HPGD: variants seen among roughly 807,000 people sequenced by gnomAD.
The protein encoded by HPGD is 15-hydroxyprostaglandin dehydrogenase [NAD(+)].
Under a neutral mutation model 30.0 loss-of-function variants are expected in HPGD, and 29 were observed. The observed-to-expected ratio is 0.97, with a 90% CI of 0.72 to 1.32. The LOEUF is 1.32. Among genes scored for constraint, HPGD ranks in the 40% most tolerant of loss-of-function variants. The pLI is 0.00. For synonymous variants in HPGD, 99 were observed against 112.4 expected, an observed-to-expected ratio of 0.88 and a Z score of 0.75; for missense variants, 340 against 322.1, an observed-to-expected ratio of 1.06 and a Z score of -0.43.
intron 4 of HPGD, among the ~76,000 whole-genome samples, chr4:174,506,171 A>G (rs1425878553): frequency 6.6e-6 from 1 of 152,198 alleles, no homozygotes; most frequent in Non-Finnish European, 1.5e-5. Context: ...TCAAATTGCA[A>G]GCCTTAAACT....
intron 2 of HPGD, among the ~76,000 whole-genome samples, chr4:174,520,503 C>T (rs142569197): frequency 2.6e-5 from 4 of 152,308 alleles, no homozygotes; most frequent in East Asian, 3.9e-4. Context: ...AGCAAATGCT[C>T]ATGTCCAGAC....
Position 174,493,428 on chromosome 4 carries a change from C to T in HPGD, c.499-114G>A, listed in dbSNP as rs1734440089. The T allele has an allele frequency of 3.2e-6, 3 of 932,240 alleles. No homozygotes were observed. The South Asian group carries it at 4.1e-5, about 13-fold the overall frequency. 57.7% of individuals were successfully genotyped at this position (932,240 alleles called of 1,614,324 possible). ...ATGTAAAAAATACTAATTAGATATC[C>T]TCCCAGCTATGTAACAATGACTGGT... On this transcript the variant is annotated intron_variant, in intron 5 of 6. Coordinates refer to ENST00000296522, the MANE Select transcript of HPGD (RefSeq NM_000860.6).
intron 2 of HPGD, among the ~76,000 whole-genome samples, chr4:174,520,037 T>C (rs978277777): frequency 2.6e-5 from 4 of 152,164 alleles, no homozygotes; most frequent in African/African-American, 9.7e-5. Flanking sequence ...CCCCAGTATT[T>C]TTTTTTTCTC....
intron 4 of HPGD, chr4:174,508,253 G>C: frequency 3.1e-6 from 2 of 636,232 alleles, no homozygotes; most frequent in Non-Finnish European, 5.7e-6. Context: ...TGTAAGTTTG[G>C]CTTTATTTAT....
intron 4 of HPGD, among the ~76,000 whole-genome samples, chr4:174,501,496 C>T (rs1324169152): frequency 6.6e-6 from 1 of 151,954 alleles, no homozygotes; most frequent in Admixed American, 6.6e-5. Flanking sequence ...CTGATAGGCC[C>T]ACCATTGTGC....
rs1349466788 is a variant in HPGD, at chr4:174,492,944, T to C, written c.662+207A>G. On this transcript the variant is annotated intron_variant, in intron 6 of 6. Coordinates refer to ENST00000296522, the MANE Select transcript of HPGD (RefSeq NM_000860.6). The surrounding 1 kb of genome is among the most constrained non-coding windows in gnomAD (Gnocchi z 4.9). Reference sequence around the variant, plus strand: ...TGGTAGTAATGAAGCATTTTACATATTTCAAAGTAACATTCATAATGTATA... The same window carrying C: ...TGGTAGTAATGAAGCATTTTACATACTTCAAAGTAACATTCATAATGTATA... Among the ~76,000 whole-genome samples, 1 of 152,130 alleles carries C rather than the reference T, an allele frequency of 6.6e-6. No individual in the cohort carries two copies. The highest frequency in any genetic ancestry group is 1.5e-5 in the Non-Finnish European group (1 of 67,972).
intron 5 of HPGD, among the ~76,000 whole-genome samples, chr4:174,493,742 T>C (rs576413245): frequency 6.6e-6 from 1 of 152,350 alleles, no homozygotes; most frequent in South Asian, 2.1e-4. Flanking sequence ...CTCTTAATAA[T>C]CTGTCCTATC....
chr4:174,511,076 C>G (rs1456101477), intron 3 of HPGD, among the ~76,000 whole-genome samples: 1 of 152,040 alleles, frequency 6.6e-6, no homozygotes, highest in Non-Finnish European at 1.5e-5. Flanking sequence ...GGGAGTTTAC[C>G]TTCCTCCCTG....
intron 4 of HPGD, among the ~76,000 whole-genome samples, chr4:174,505,175 C>T (rs1158342375): frequency 2.6e-5 from 4 of 152,160 alleles, no homozygotes; most frequent in African/African-American, 4.8e-5. Flanking sequence ...ACTCTGTCTG[C>T]GTCAGTGGTC....
chr4:174,514,472 T>C (rs1359292580), intron 3 of HPGD, among the ~76,000 whole-genome samples: 1 of 152,136 alleles, frequency 6.6e-6, no homozygotes, highest in Non-Finnish European at 1.5e-5. Flanking sequence ...TCCTTCTTAA[T>C]TAAAAGATTT....
At position 174,496,293 on chromosome 4, in the gene HPGD, A is replaced by G. The variant is rs960892108; in HGVS notation, c.422-669T>C. On this transcript the variant is annotated intron_variant, in intron 4 of 6. Coordinates refer to ENST00000296522, the MANE Select transcript of HPGD (RefSeq NM_000860.6). The surrounding 1 kb of genome is among the most constrained non-coding windows in gnomAD (Gnocchi z 4.6). ...ATTATGTAGTCAACTATGAAATTCA[A>G]TCAATTACAGAATGTTTTATTTTGT... Among the ~76,000 whole-genome samples, 6 of 152,200 alleles carry G rather than the reference A, an allele frequency of 3.9e-5. No homozygotes were observed. The highest frequency in any genetic ancestry group is 8.8e-5 in the Non-Finnish European group (6 of 68,024).
intron 4 of HPGD, among the ~76,000 whole-genome samples, chr4:174,503,354 T>C (rs1423417206): frequency 6.6e-6 from 1 of 152,244 alleles, no homozygotes; most frequent in Non-Finnish European, 1.5e-5. Flanking sequence ...TTGCTTTTAT[T>C]ACCACTGCTA....
chr4:174,497,568 C>CTTTTCTTTTTTTTTTTTTTTTTTTTT (rs1553998366), intron 4 of HPGD, among the ~76,000 whole-genome samples: 2 of 51,114 alleles, frequency 3.9e-5, no homozygotes, highest in African/African-American at 1.3e-4. Context: ...CTTTTTCTTT[C>CTTTTCTTTTTTTTTTTTTTTTTTTTT]TTTTTTTTTT....
In HPGD at chr4:174,490,825, G is replaced by A. The variant is rs886059246; in HGVS notation, c.*1131C>T. ...TTATACGATATTTTTTTGAGAAAAC[G>A]ACTGATTTGGAAATCTTGTGCTTTC... On this transcript the variant is annotated 3_prime_UTR_variant, in exon 7 of 7. Transcript: ENST00000296522. This position sits in a 1 kb window ranked among gnomAD's most constrained non-coding sequence, Gnocchi z 4.4. The A allele has an allele frequency of 6.6e-6, 1 of 152,230 alleles. No individual in the cohort carries two copies. The highest frequency in any genetic ancestry group is 1.5e-5 in the Non-Finnish European group (1 of 67,986). The allele number at this position is 152,230 out of a possible 1,614,324, so 9.4% of individuals were successfully genotyped here.
intron 4 of HPGD, among the ~76,000 whole-genome samples, chr4:174,503,115 A>T (rs1431677183): frequency 6.6e-6 from 1 of 152,190 alleles, no homozygotes; most frequent in Non-Finnish European, 1.5e-5. Flanking sequence ...CTCATTTACA[A>T]ATATTTAATC....
chr4:174,522,439 C>T lies in HPGD; in HGVS notation c.13G>A (p.Gly5Ser), dbSNP rs1238460047. 2.5e-6 allele frequency: 4 copies of T among 1,580,418 alleles called. No homozygotes were observed. The highest frequency in any genetic ancestry group is 2.3e-5 in the South Asian group (2 of 87,058). Residue 5 changes from glycine to serine, a missense_variant, in exon 1 of 7, where the codon GGC becomes AGC. Gly to Ser is a moderately conservative substitution (Grantham distance 56, BLOSUM62 0). Coordinates refer to ENST00000296522, the MANE Select transcript of HPGD (RefSeq NM_000860.6). ...GCGCCGGTCACCAGCGCCACTTTGC[C>T]GTTCACGTGCATGGTGCAGCCACTG... is the stretch of plus-strand genomic sequence containing the variant. MHVN[G>S]KVALVTGAAQ...
intron 3 of HPGD, among the ~76,000 whole-genome samples, chr4:174,511,405 T>A (rs2110845182): frequency 6.6e-6 from 1 of 152,332 alleles, no homozygotes; most frequent in South Asian, 2.1e-4. Flanking sequence ...TATTGCAACC[T>A]CTGGCATAAA....
At chr4:174,515,073 T>A (rs547957808) in intron 3 of HPGD, among the ~76,000 whole-genome samples, 1 of 152,252 alleles carries the variant, frequency 6.6e-6, no homozygotes, top group South Asian at 2.1e-4. Flanking sequence ...ATCAATATTG[T>A]TAAAATGGCC....
chr4:174,495,921 G>A (rs1734575571), intron 4 of HPGD: 1 of 370,602 alleles, frequency 2.7e-6, no homozygotes, highest in Non-Finnish European at 5.0e-6. Flanking sequence ...AAAGTAAATG[G>A]TATCTAAAAC....
Sources: gnomAD v4.1 joint callset for allele counts (sites outside exome capture counted in the v4.1 genomes callset) on GRCh38, gnomAD v4.1.1 for gene constraint, Gnocchi (gnomAD v3.1) non-coding constraint, MANE v1.5 for transcripts, NCBI Gene and HGNC (gene_info 2026-07-23, HGNC 2026-07-21) for gene names.